Variants in ZNF705B observed in about 807,000 individuals in gnomAD.
The protein encoded by ZNF705B is Putative zinc finger protein 705D-like protein LOC100132396.
A neutral mutation model predicts 10.5 loss-of-function variants in ZNF705B; 1 was observed. That is an observed-to-expected ratio of 0.10 (90% confidence interval 0.03 to 0.45). ZNF705B has a LOEUF of 0.45. Among genes scored for constraint, ZNF705B ranks in the 20% least tolerant of loss-of-function variants. The pLI is 0.97. For missense variants in ZNF705B, 14 were observed against 84.0 expected, an observed-to-expected ratio of 0.17 and a Z score of 3.26; for synonymous variants, 4 against 25.4, an observed-to-expected ratio of 0.16 and a Z score of 2.53.
chr8:7,932,751 G>C (rs1377876960), intron 2 of ZNF705B, among the ~76,000 whole-genome samples: 3 of 116,422 alleles, frequency 2.6e-5, no homozygotes, highest in Admixed American at 2.0e-4. Context: ...GCCAAATCAG[G>C]CATAGTGAAA....
Position 7,929,442 on chromosome 8 carries a change from C to T in ZNF705B, c.-221-845C>T, listed in dbSNP as rs1163647284. On this transcript the variant is annotated intron_variant, in intron 1 of 6. Transcript: ENST00000400120. ...GGATAAATGAATAAGTGGATGAATC[C>T]TCAATATCACTATTTTATAATAATT... Among the ~76,000 whole-genome samples, 2 of 120,444 alleles carry T rather than the reference C, an allele frequency of 1.7e-5. 1 individual carries two copies. The highest frequency in any genetic ancestry group is 4.0e-5 in the Non-Finnish European group (2 of 50,166). The allele number at this position is 120,444 out of a possible 152,430, so 79.0% of individuals were successfully genotyped here.
chr8:7,931,830 T>C lies in ZNF705B; in HGVS notation c.-72+1394T>C, dbSNP rs1360469787. ...CTAGTGAATGGCACTGCCAGTTCCCTGGAGTGTAGGACACTGTGTAGGCTA... is the reference window on the plus strand; with the variant it reads ...CTAGTGAATGGCACTGCCAGTTCCCCGGAGTGTAGGACACTGTGTAGGCTA... On this transcript the variant is annotated intron_variant, in intron 2 of 6. Transcript: ENST00000400120. Among the ~76,000 whole-genome samples the C allele has an allele frequency of 1.2e-3, 147 of 127,722 alleles. 3 individuals are homozygous for C. The highest frequency in any genetic ancestry group is 3.5e-3 in the African/African-American group (140 of 40,108). 83.8% of individuals were successfully genotyped at this position (127,722 alleles called of 152,430 possible). A position where few individuals can be genotyped will look rare whatever the true frequency, so the allele number is the denominator to read the frequency against.
chr8:7,932,211 G>T (rs1417307976), intron 2 of ZNF705B, among the ~76,000 whole-genome samples: 1 of 121,170 alleles, frequency 8.3e-6, no homozygotes, highest in African/African-American at 2.5e-5. Flanking sequence ...GACCACTGGG[G>T]CTCTCTTTTT....
rs200438425 is a variant in ZNF705B, at chr8:7,940,199, A to C, written c.-71-7152A>C. Among the ~76,000 whole-genome samples, 86 of 143,516 alleles carry C rather than the reference A, an allele frequency of 6.0e-4. 1 individual carries two copies. The East Asian group carries it at 8.7e-3, about 15-fold the overall frequency. The allele number at this position is 143,516 out of a possible 152,430, so 94.2% of individuals were successfully genotyped here. A position where few individuals can be genotyped will look rare whatever the true frequency, so the allele number is the denominator to read the frequency against. ...AGCAGGTAGGAAAAAAGCCAAGAGA[A>C]AAAAACAAGGGAACATCTACCCCTC... On this transcript the variant is annotated intron_variant, in intron 2 of 6. Transcript: ENST00000400120.
rs1277766068 is a variant in ZNF705B, at chr8:7,928,988, A to G, written c.-221-1299A>G. Among the ~76,000 whole-genome samples the G allele has an allele frequency of 1.7e-5, 2 of 117,414 alleles. 1 individual carries two copies. Among genetic ancestry groups the G allele is most frequent in the East Asian group, 4.8e-4 (2 of 4,134 alleles). The allele number at this position is 117,414 out of a possible 152,430, so 77.0% of individuals were successfully genotyped here. ...AATACAAAACTACCTATTAGGTACA[A>G]TGTACTCTACTCAGGTGACAGGTGT... On this transcript the variant is annotated intron_variant, in intron 1 of 6. Transcript: ENST00000400120.
chr8:7,935,285 A>G (rs1819979238), intron 2 of ZNF705B, among the ~76,000 whole-genome samples: 1 of 142,236 alleles, frequency 7.0e-6, no homozygotes, highest in Non-Finnish European at 1.6e-5. Flanking sequence ...ATATATTAAG[A>G]GTGAAACATT....
At chr8:7,938,966 TA>T (rs1820090536) in intron 2 of ZNF705B, among the ~76,000 whole-genome samples, 1 of 68,188 alleles carries the variant, frequency 1.5e-5, no homozygotes, top group African/African-American at 5.0e-5. Flanking sequence ...CCTTTTTTTT[TA>T]TTGGACAGCC....
In ZNF705B at chr8:7,940,754, C is replaced by G. The variant is rs1281817220; in HGVS notation, c.-71-6597C>G. 2.1e-5 allele frequency among the ~76,000 whole-genome samples: 3 copies of G among 143,702 alleles called. 1 individual carries two copies. The highest frequency in any genetic ancestry group is 4.6e-5 in the Non-Finnish European group (3 of 64,658). The allele number at this position is 143,702 out of a possible 152,430, so 94.3% of individuals were successfully genotyped here. ...TGCCCTCCAAGTCCATCCATGTTGT[C>G]ACAAATGACAGGGTTTCGTTATTAT... On this transcript the variant is annotated intron_variant, in intron 2 of 6. Transcript: ENST00000400120.
At chr8:7,935,327 T>A (rs1224692368) in intron 2 of ZNF705B, among the ~76,000 whole-genome samples, 1 of 147,032 alleles carries the variant, frequency 6.8e-6, no homozygotes, top group South Asian at 2.3e-4. Flanking sequence ...AAAACTATAC[T>A]TGTTGAAAAT....
At chr8:7,935,454 A>C (rs1819986622) in intron 2 of ZNF705B, among the ~76,000 whole-genome samples, 1 of 134,880 alleles carries the variant, frequency 7.4e-6, no homozygotes, top group African/African-American at 2.5e-5. Flanking sequence ...TATGTAACAC[A>C]GAGCACCTTT....
chr8:7,932,041 C>T (rs2739896), intron 2 of ZNF705B, among the ~76,000 whole-genome samples: 9,062 of 116,870 alleles, frequency 0.078, 965 homozygotes, highest in African/African-American at 0.17. Flanking sequence ...CCACAGCTGC[C>T]TGTGTCTGGG....
At chr8:7,926,664 G>C (rs1819696488) in intron 1 of ZNF705B, among the ~76,000 whole-genome samples, 2 of 106,970 alleles carry the variant, frequency 1.9e-5, no homozygotes, top group Non-Finnish European at 4.5e-5. Flanking sequence ...CGGAACATTT[G>C]GGAAGTGATT....
rs3915362 is a variant in ZNF705B at position 7,929,035 on chromosome 8, G to A, written c.-221-1252G>A. On this transcript the variant is annotated intron_variant, in intron 1 of 6. Transcript: ENST00000400120. ...GTGTACTAAAATCTCAGAATTCACC[G>A]CTATATAATTCATCCATGTAACAAA... 1.2e-4 allele frequency among the ~76,000 whole-genome samples: 14 copies of A among 120,330 alleles called. 1 individual carries two copies. The highest frequency in any genetic ancestry group is 6.7e-4 in the Admixed American group (7 of 10,456). 78.9% of individuals were successfully genotyped at this position (120,330 alleles called of 152,430 possible). A position where few individuals can be genotyped will look rare whatever the true frequency, so the allele number is the denominator to read the frequency against.
intron 1 of ZNF705B, among the ~76,000 whole-genome samples, chr8:7,927,685 T>C (rs1422067715): frequency 2.1e-5 from 3 of 140,312 alleles, no homozygotes; most frequent in African/African-American, 7.4e-5. Context: ...TTGAATTATT[T>C]GCACAAGATC....
Position 7,931,517 on chromosome 8 carries a change from G to A in ZNF705B, c.-72+1081G>A, listed in dbSNP as rs577343209. On this transcript the variant is annotated intron_variant, in intron 2 of 6. Coordinates refer to ENST00000400120, the MANE Select transcript of ZNF705B (RefSeq NM_001193630.1). ...GGGCTCATACTCAGGTCACAAGAAG[G>A]CATGCACAGGTGCCAATGACAGACA... Among the ~76,000 whole-genome samples, 69 of 122,252 alleles carry A rather than the reference G, an allele frequency of 5.6e-4. 6 individuals carry two copies. Among genetic ancestry groups the A allele is most frequent in the Admixed American group, 1.6e-3 (18 of 10,946 alleles). The allele number at this position is 122,252 out of a possible 152,430, so 80.2% of individuals were successfully genotyped here. A position where few individuals can be genotyped will look rare whatever the true frequency, so the allele number is the denominator to read the frequency against.
rs1342405419 is a variant in ZNF705B, at chr8:7,931,666, C to T, written c.-72+1230C>T. Among the ~76,000 whole-genome samples, 3 of 125,110 alleles carry T rather than the reference C, an allele frequency of 2.4e-5. 1 individual carries two copies. The highest frequency in any genetic ancestry group is 5.7e-5 in the Non-Finnish European group (3 of 52,556). The allele number at this position is 125,110 out of a possible 152,430, so 82.1% of individuals were successfully genotyped here. ...GCCCAGGCAGGTGAGTCCCCAGGTC[C>T]CCTGAGGATGCCTGCAGGTGTGCAG... On this transcript the variant is annotated intron_variant, in intron 2 of 6. Transcript: ENST00000400120.
At chr8:7,926,806 A>T (rs145472842) in intron 1 of ZNF705B, among the ~76,000 whole-genome samples, 10,299 of 116,184 alleles carry the variant, frequency 0.089, 2,658 homozygotes, top group South Asian at 0.21. Flanking sequence ...CTCAAGCTCT[A>T]TTGCTGTCAA....
At chr8:7,934,678 ATTTGTGTGTGTGT>A in intron 2 of ZNF705B, 1 of 225,834 alleles carries the variant, frequency 4.4e-6, no homozygotes, top group South Asian at 7.1e-5. Context: ...TCTTGTGTGG[ATTTGTGTGTGTGT>A]CTGTGTGTGT....
intron 1 of ZNF705B, among the ~76,000 whole-genome samples, chr8:7,929,046 C>A (rs868544279): frequency 8.3e-6 from 1 of 120,784 alleles, no homozygotes; most frequent in Admixed American, 9.5e-5. Flanking sequence ...CTATATAATT[C>A]ATCCATGTAA....
Sources: gnomAD v4.1 joint callset for allele counts (sites outside exome capture counted in the v4.1 genomes callset) on GRCh38, gnomAD v4.1.1 for gene constraint, MANE v1.5 for transcripts, NCBI Gene and HGNC (gene_info 2026-07-23, HGNC 2026-07-21) for gene names.